The following PHF24 variants were observed in gnomAD, a reference collection of about 807,000 sequenced individuals.
The protein encoded by PHF24 is PHD finger protein 24.
In PHF24, 25 loss-of-function variants were observed where a neutral mutation model predicts 42.6. That is an observed-to-expected ratio of 0.59 (90% CI 0.43 to 0.82). The LOEUF (loss-of-function observed/expected upper bound fraction) is 0.82, where lower values mean the gene tolerates loss of function less well. Among genes scored for constraint, PHF24 ranks in the 40% least tolerant of loss-of-function variants. The pLI is 0.00. For missense variants in PHF24, 470 were observed against 538.1 expected, an observed-to-expected ratio of 0.87 and a Z score of 1.25; for synonymous variants, 185 against 204.8, an observed-to-expected ratio of 0.90 and a Z score of 0.83.
At chr9:34,976,380 C>A in intron 4 of PHF24, 150 bp downstream of exon 4, 1 of 983,018 alleles carries the variant, frequency 1.0e-6, no homozygotes, top group East Asian at 2.5e-5. Context: ...AGCAGAGTCA[C>A]CTATCCCTGT....
the PHF24 span, among the ~76,000 whole-genome samples, chr9:34,701,672 G>A: frequency 1.3e-5 from 2 of 152,136 alleles, no homozygotes; most frequent in East Asian, 3.9e-4. The surrounding 1 kb of genome is among the most constrained non-coding windows in gnomAD (Gnocchi z 5.8). Flanking sequence ...GGGGAGGCTC[G>A]GGCTGTGGGT....
the PHF24 span, chr9:34,918,240 A>G: frequency 6.7e-7 from 1 of 1,490,042 alleles, no homozygotes; most frequent in Non-Finnish European, 9.4e-7. Context: ...AGAAGCCCTC[A>G]TCCGCACGTG....
At chr9:34,855,181 T>A in the PHF24 span, among the ~76,000 whole-genome samples, 1 of 152,200 alleles carries the variant, frequency 6.6e-6, no homozygotes. Flanking sequence ...GCACATTAGA[T>A]GGGTCTCTTG....
chr9:34,702,246 T>A, the PHF24 span, among the ~76,000 whole-genome samples: 1 of 151,474 alleles, frequency 6.6e-6, no homozygotes, highest in African/African-American at 2.4e-5. Flanking sequence ...GAAATGAGAA[T>A]GGAAAATTCA....
the PHF24 span, among the ~76,000 whole-genome samples, chr9:34,700,976 GA>G: frequency 1.3e-5 from 2 of 152,136 alleles, no homozygotes; most frequent in Non-Finnish European, 2.9e-5. Context: ...GGAGGTGTTT[GA>G]AACAGTTTCT....
At chr9:34,784,595 A>C in the PHF24 span, among the ~76,000 whole-genome samples, 1 of 152,216 alleles carries the variant, frequency 6.6e-6, no homozygotes, top group Non-Finnish European at 1.5e-5. Context: ...TGACCAGGAC[A>C]GTATTATACA....
At chr9:34,770,436 AT>A in the PHF24 span, among the ~76,000 whole-genome samples, 1 of 152,184 alleles carries the variant, frequency 6.6e-6, no homozygotes, top group Non-Finnish European at 1.5e-5. Context: ...AAATAGTACA[AT>A]TCCTGTGGAG....
the PHF24 span, among the ~76,000 whole-genome samples, chr9:34,668,505 AC>A: frequency 6.6e-6 from 1 of 152,192 alleles, no homozygotes; most frequent in African/African-American, 2.4e-5. Flanking sequence ...ACAAGGGCAC[AC>A]CCATTTGGCA....
chr9:34,672,119 GT>G, the PHF24 span, among the ~76,000 whole-genome samples: 1 of 152,078 alleles, frequency 6.6e-6, no homozygotes, highest in African/African-American at 2.4e-5. Flanking sequence ...GGCTGTTTTT[GT>G]TTATGCAGAC....
chr9:34,913,274 G>A, the PHF24 span, among the ~76,000 whole-genome samples: 4 of 152,220 alleles, frequency 2.6e-5, no homozygotes, highest in African/African-American at 7.2e-5. Context: ...AAATATATGC[G>A]ATGATATAAT....
the PHF24 span, among the ~76,000 whole-genome samples, chr9:34,737,668 G>A: frequency 1.3e-5 from 2 of 152,096 alleles, no homozygotes; most frequent in African/African-American, 2.4e-5. Context: ...AATGTATGAC[G>A]AACCCTAATT....
chr9:34,670,061 G>T, the PHF24 span, among the ~76,000 whole-genome samples: 19 of 152,196 alleles, frequency 1.2e-4, no homozygotes, highest in East Asian at 3.7e-3. Flanking sequence ...CTTTCTGGTT[G>T]ATGAACACAT....
At chr9:34,665,678 C>T in the PHF24 span, 1 of 701,054 alleles carries the variant, frequency 1.4e-6, no homozygotes, top group Non-Finnish European at 2.6e-6. Flanking sequence ...CTCCGAACGT[C>T]TCCTGGGGAG....
At chr9:34,873,347 G>T in the PHF24 span, among the ~76,000 whole-genome samples, 2 of 151,700 alleles carry the variant, frequency 1.3e-5, no homozygotes, top group African/African-American at 4.8e-5. Context: ...GGTCTAACAT[G>T]TAAGTCTTTA....
the PHF24 span, among the ~76,000 whole-genome samples, chr9:34,947,261 G>T: frequency 1.3e-5 from 2 of 152,310 alleles, no homozygotes; most frequent in African/African-American, 4.8e-5. Context: ...GTTTTGGTCA[G>T]TGGTGGACGA....
the PHF24 span, among the ~76,000 whole-genome samples, chr9:34,885,392 G>A: frequency 1.3e-5 from 2 of 152,190 alleles, no homozygotes; most frequent in Non-Finnish European, 2.9e-5. Context: ...TTCTGATGAT[G>A]GGATGATGGA....
chr9:34,769,057 C>A, the PHF24 span, among the ~76,000 whole-genome samples: 1 of 151,958 alleles, frequency 6.6e-6, no homozygotes, highest in Non-Finnish European at 1.5e-5. Flanking sequence ...GAATAAATAC[C>A]CAGAAACAAA....
At chr9:34,724,093 C>T in the PHF24 span, 46 of 1,527,462 alleles carry the variant, frequency 3.0e-5, no homozygotes, top group African/African-American at 5.0e-4. Context: ...CCTCTGGGTC[C>T]TCTCTGTTTC....
chr9:34,852,622 T>G, the PHF24 span, among the ~76,000 whole-genome samples: 1 of 152,252 alleles, frequency 6.6e-6, no homozygotes, highest in Admixed American at 6.5e-5. Flanking sequence ...CTATAAAGTT[T>G]CTGCTGAGAA....
Sources: allele counts gnomAD v4.1 joint callset (sites outside exome capture counted in the v4.1 genomes callset), GRCh38; gene constraint gnomAD v4.1.1; non-coding constraint Gnocchi (gnomAD v3.1); transcripts MANE v1.5; gene names NCBI Gene and HGNC (gene_info 2026-07-23, HGNC 2026-07-21).